Variants in CDX2 observed in about 807,000 individuals in gnomAD.
The protein encoded by CDX2 is caudal type homeobox 2.
A neutral mutation model predicts 25.5 loss-of-function variants in CDX2; 7 were observed. That is an observed-to-expected ratio of 0.27 (90% CI 0.16 to 0.52). CDX2 has a LOEUF of 0.52. CDX2 is among the 20% of genes least tolerant of loss of function. The pLI is 0.97. For synonymous variants in CDX2, 222 were observed against 198.6 expected, an observed-to-expected ratio of 1.12 and a Z score of -0.99; for missense variants, 375 against 431.4, an observed-to-expected ratio of 0.87 and a Z score of 1.16.
rs1026784903 is a variant in CDX2 at position 27,962,905 on chromosome 13, T to C, written c.*210A>G. 4 of 550,752 alleles carry C rather than the reference T, an allele frequency of 7.3e-6. No homozygotes were observed. Among genetic ancestry groups the C allele is most frequent in the Non-Finnish European group, 1.2e-5 (4 of 342,174 alleles). 34.1% of individuals were successfully genotyped at this position (550,752 alleles called of 1,614,324 possible). A position where few individuals can be genotyped will look rare whatever the true frequency, so the allele number is the denominator to read the frequency against. ...CTCCTCAGTGGCAGAAAAAGCCAGA[T>C]GGGAAAAAGTAAAAATCTGGGAGAG... On this transcript the variant is annotated 3_prime_UTR_variant, in exon 3 of 3. Transcript: ENST00000381020.
In CDX2 at chr13:27,962,550, GAA is replaced by G. The variant is rs1869103193; in HGVS notation, c.*563_*564del. 4.3e-6 allele frequency: 1 copy of G among 233,072 alleles called. No homozygotes were observed. Among genetic ancestry groups the G allele is most frequent in the Non-Finnish European group, 8.5e-6 (1 of 117,822 alleles). 14.4% of individuals were successfully genotyped at this position (233,072 alleles called of 1,614,324 possible). A position where few individuals can be genotyped will look rare whatever the true frequency, so the allele number is the denominator to read the frequency against. On this transcript the variant is annotated 3_prime_UTR_variant, in exon 3 of 3. Transcript: ENST00000381020. ...CCTTTCCTGGTCTGGGAAGGGAAGA[GAA>G]AAAAGACGCAGGCCACCTGGGGGTT...
At chr13:27,965,182 T>TGG (rs149567632) in intron 1 of CDX2, among the ~76,000 whole-genome samples, 167 bp from the exon 2 acceptor site, 42 of 151,996 alleles carry the variant, frequency 2.8e-4, no homozygotes, top group African/African-American at 9.9e-4. Context: ...GAGGGTCCTG[T>TGG]GGGGGGAGGG....
Position 27,968,655 on chromosome 13 carries a change from G to A in CDX2, c.352C>T (p.His118Tyr), listed in dbSNP as rs1433460970. The A allele has an allele frequency of 2.0e-6, 3 of 1,534,630 alleles. No homozygotes were observed. Among genetic ancestry groups the A allele is most frequent in the South Asian group, 2.4e-5 (2 of 83,588 alleles). ...SSPADYHPHH[H>Y]PHHHPHHPAA... ...GGGTGGTGCGGGTGGTGATGCGGGT[G>A]GTGGTGCGGATGGTAGTCTGCGGGG... Residue 118 changes from histidine (H) to tyrosine (Y), a missense_variant, in exon 1 of 3, where the codon CAC becomes TAC. His to Tyr is a moderately conservative substitution (Grantham distance 83). This residue lies in a region of CDX2 where 253 missense variants were observed against 247.5 expected (regional missense o/e 1.02). Transcript: ENST00000381020.
Position 27,968,664 on chromosome 13 carries a change from G to T in CDX2, c.343C>A (p.Pro115Thr). Reference protein sequence around the residue: ...MGYSSPADYHPHHHPHHHPHH... With the variant: ...MGYSSPADYHTHHHPHHHPHH... Reference sequence around the variant, plus strand: ...GGGTGGTGATGCGGGTGGTGGTGCGGATGGTAGTCTGCGGGGCTGCTGTAG... The same window carrying T: ...GGGTGGTGATGCGGGTGGTGGTGCGTATGGTAGTCTGCGGGGCTGCTGTAG... Residue 115 changes from proline (P) to threonine (T), a missense_variant, in exon 1 of 3, where the codon CCG (proline) becomes ACG (threonine). Around this residue, in one of 3 missense-constraint regions of CDX2, gnomAD observed 253 missense variants for 247.5 expected, o/e 1.02. Transcript: ENST00000381020. 6.5e-7 allele frequency: 1 copy of T among 1,533,994 alleles called. No individual in the cohort carries two copies. Among genetic ancestry groups the T allele is most frequent in the Non-Finnish European group, 8.7e-7 (1 of 1,144,732 alleles).
Position 27,968,860 on chromosome 13 carries a change from A to G in CDX2, c.147T>C (p.Ala49=). 2 of 1,595,546 alleles carry G rather than the reference A, an allele frequency of 1.3e-6. No individual in the cohort carries two copies. Residue 49 remains alanine, a synonymous_variant, in exon 1 of 3, where the codon GCT becomes GCC. Transcript: ENST00000381020. Reference sequence around the variant, plus strand: ...CGCTGTCCAAGTTCGCTGCCGCTGCAGCTGCGGCCGCCACGTGGTAACCGC... The same window carrying G: ...CGCTGTCCAAGTTCGCTGCCGCTGCGGCTGCGGCCGCCACGTGGTAACCGC... The part of the protein sequence containing the change: ...DYGGYHVAAA[A]AAAANLDSAQ...
rs1284705267 is a variant in CDX2, at chr13:27,964,541, A to G, written c.687+329T>C. ...GGTAAGACAGTGAGACCATCTCTGC[A>G]AAAAATTTAAACATTAGCCAGTCAT... is the stretch of plus-strand genomic sequence containing the variant. On this transcript the variant is annotated intron_variant, in intron 2 of 2. Transcript: ENST00000381020. This position sits in a 1 kb window ranked among gnomAD's most constrained non-coding sequence, Gnocchi z 4.7. Among the ~76,000 whole-genome samples the G allele has an allele frequency of 6.6e-6, 1 of 152,052 alleles. No individual in the cohort carries two copies. The highest frequency in any genetic ancestry group is 1.9e-4 in the East Asian group (1 of 5,170).
At position 27,960,923 on chromosome 13, in the gene CDX2, T is replaced by A. The variant is rs1050286499; in HGVS notation, c.*2192A>T. On this transcript the variant is annotated 3_prime_UTR_variant, in exon 3 of 3. Transcript: ENST00000381020. ...AACAACCCATGTGCTCTTGCTCCAC[T>A]GTCCAAACAGGGTTTATTGACAGGC... Among the ~76,000 whole-genome samples the A allele has an allele frequency of 3.3e-5, 5 of 152,358 alleles. No homozygotes were observed. The highest frequency in any genetic ancestry group is 3.4e-3 in the Middle Eastern group (1 of 294).
At position 27,968,656 on chromosome 13, in the gene CDX2, G is replaced by T. The variant is rs376360900; in HGVS notation, c.351C>A (p.His117Gln). 36 of 1,534,318 alleles carry T rather than the reference G, an allele frequency of 2.3e-5. No homozygotes were observed. The highest frequency in any genetic ancestry group is 3.0e-5 in the Non-Finnish European group (34 of 1,145,042). Reference sequence around the variant, plus strand: ...GGTGGTGCGGGTGGTGATGCGGGTGGTGGTGCGGATGGTAGTCTGCGGGGC... The same window carrying T: ...GGTGGTGCGGGTGGTGATGCGGGTGTTGGTGCGGATGGTAGTCTGCGGGGC... ...YSSPADYHPH[H>Q]HPHHHPHHPA... The change falls in exon 1 of 3, where the codon CAC (histidine) becomes CAA (glutamine). Residue 117 changes from histidine to glutamine, a missense_variant. Physicochemically the swap from His to Gln is conservative, Grantham distance 24 (BLOSUM62 0). Around this residue, in one of 3 missense-constraint regions of CDX2, gnomAD observed 253 missense variants for 247.5 expected, o/e 1.02. Coordinates refer to ENST00000381020, the MANE Select transcript of CDX2 (RefSeq NM_001265.6).
intron 1 of CDX2, among the ~76,000 whole-genome samples, chr13:27,966,098 GC>G (rs1326139278): frequency 2.0e-5 from 3 of 152,234 alleles, no homozygotes; most frequent in Admixed American, 6.5e-5. Flanking sequence ...GCTCCCCCGA[GC>G]CGCTGAAAGG....
chr13:27,965,897 C>T (rs760746835), intron 1 of CDX2, among the ~76,000 whole-genome samples: 2 of 152,230 alleles, frequency 1.3e-5, no homozygotes, highest in Non-Finnish European at 2.9e-5. Context: ...CTCTCTGGCT[C>T]CGTCCCACTT....
rs1387980670 is a variant in CDX2, at chr13:27,968,731, C to T, written c.276G>A (p.Val92=). 2 of 1,518,352 alleles carry T rather than the reference C, an allele frequency of 1.3e-6. No individual in the cohort carries two copies. Among genetic ancestry groups the T allele is most frequent in the Non-Finnish European group, 1.8e-6 (2 of 1,139,152 alleles). The allele number at this position is 1,518,352 out of a possible 1,614,324, so 94.1% of individuals were successfully genotyped here. Residue 92 remains valine, a synonymous_variant, in exon 1 of 3, where the codon GTG becomes GTA. Coordinates refer to ENST00000381020, the MANE Select transcript of CDX2 (RefSeq NM_001265.6). ...GGGAGCCACCGTTGAGGCCGTGAGC[C>T]ACGGCGTTGGCGGCGGCCGCGGCGC... ...PGGAAAAANA[V]AHGLNGGSPA...
chr13:27,963,076 T>C lies in CDX2; in HGVS notation c.*39A>G. The C allele has an allele frequency of 6.3e-7, 1 of 1,582,338 alleles. No homozygotes were observed. The highest frequency in any genetic ancestry group is 8.6e-7 in the Non-Finnish European group (1 of 1,163,132). The stretch of plus-strand genomic sequence containing the variant: ...TAGCAGAGTCCACGCTCCTCATGGC[T>C]CAGCCTGGAATTGCTCTGCCGCTGC... On this transcript the variant is annotated 3_prime_UTR_variant, in exon 3 of 3. Transcript: ENST00000381020.
rs775395145 is a variant in CDX2 at position 27,964,921 on chromosome 13, G to A, written c.636C>T (p.Thr212=). The A allele has an allele frequency of 1.3e-5, 21 of 1,614,030 alleles. No homozygotes were observed. The highest frequency in any genetic ancestry group is 1.6e-4 in the Middle Eastern group (1 of 6,082). ...EKEFHYSRYI[T]IRRKAELAAT... ...CGGCTAGCTCGGCTTTCCTCCGGAT[G>A]GTGATGTAGCGACTGTAGTGAAACT... is the stretch of plus-strand genomic sequence containing the variant. Residue 212 remains threonine, a synonymous_variant, in exon 2 of 3, where the codon ACC becomes ACT. Coordinates refer to ENST00000381020, the MANE Select transcript of CDX2 (RefSeq NM_001265.6). The surrounding 1 kb of genome is among the most constrained non-coding windows in gnomAD (Gnocchi z 4.7).
At position 27,964,938 on chromosome 13, in the gene CDX2, A is replaced by G; in HGVS notation, c.619T>C (p.Tyr207His). 6.2e-7 allele frequency: 1 copy of G among 1,614,138 alleles called. No homozygotes were observed. The highest frequency in any genetic ancestry group is 8.5e-7 in the Non-Finnish European group (1 of 1,180,010). The change falls in exon 2 of 3, where the codon TAC becomes CAC. Residue 207 changes from tyrosine (Y) to histidine (H), a missense_variant. Tyr to His is a moderately conservative substitution (Grantham distance 83). Coordinates refer to ENST00000381020, the MANE Select transcript of CDX2 (RefSeq NM_001265.6). The surrounding 1 kb of genome is among the most constrained non-coding windows in gnomAD (Gnocchi z 4.7). ...QRLELEKEFH[Y>H]SRYITIRRKA... ...CTCCGGATGGTGATGTAGCGACTGT[A>G]GTGAAACTCCTTCTCCAGCTCCAGC...
rs1869035976 is a variant in CDX2, at chr13:27,961,341, A to C, written c.*1774T>G. Among the ~76,000 whole-genome samples the C allele has an allele frequency of 6.6e-6, 1 of 152,224 alleles. No individual in the cohort carries two copies. ...AGGCGCCTCCGTGGGCGCGCTGATT[A>C]GGCTCTCGGATGTTGGTGGGAAGAT... On this transcript the variant is annotated 3_prime_UTR_variant, in exon 3 of 3. Transcript: ENST00000381020.
Position 27,961,605 on chromosome 13 carries a change from T to C in CDX2, c.*1510A>G, listed in dbSNP as rs1869051672. Among the ~76,000 whole-genome samples the C allele has an allele frequency of 4.0e-5, 6 of 151,142 alleles. No individual in the cohort carries two copies. Among genetic ancestry groups the C allele is most frequent in the Admixed American group, 3.3e-4 (5 of 15,156 alleles). ...GAAACTGCAAAGACAGAGAAGAGAG[T>C]GGAGGCAGAAAGGGCTCACGGAAAT... On this transcript the variant is annotated 3_prime_UTR_variant, in exon 3 of 3. Coordinates refer to ENST00000381020, the MANE Select transcript of CDX2 (RefSeq NM_001265.6).
In CDX2 at chr13:27,968,565, C is replaced by G. The variant is rs1223507326; in HGVS notation, c.442G>C (p.Ala148Pro). The G allele has an allele frequency of 1.3e-6, 2 of 1,566,376 alleles. No homozygotes were observed. Among genetic ancestry groups the G allele is most frequent in the Non-Finnish European group, 8.6e-7 (1 of 1,166,372 alleles). The change falls in exon 1 of 3, where the codon GCC becomes CCC. Residue 148 changes from alanine to proline, a missense_variant. By Grantham distance (27) the Ala-to-Pro change is conservative. This residue lies in a region of CDX2 where 253 missense variants were observed against 247.5 expected (regional missense o/e 1.02). Coordinates refer to ENST00000381020, the MANE Select transcript of CDX2 (RefSeq NM_001265.6). ...AGCTGCTCGGCGGCAGCGGTGGCGG[C>G]GGGCCCAGGAGGGCCGGGGTTGAGC... ...QTLNPGPPGP[A>P]ATAAAEQLSP...
chr13:27,968,738 T>C lies in CDX2; in HGVS notation c.269A>G (p.Asn90Ser). 2.0e-6 allele frequency: 3 copies of C among 1,510,808 alleles called. No homozygotes were observed. The highest frequency in any genetic ancestry group is 2.6e-6 in the Non-Finnish European group (3 of 1,136,588). 93.6% of individuals were successfully genotyped at this position (1,510,808 alleles called of 1,614,324 possible). A position where few individuals can be genotyped will look rare whatever the true frequency, so the allele number is the denominator to read the frequency against. The change falls in exon 1 of 3, where the codon AAC becomes AGC. Residue 90 changes from asparagine to serine, a missense_variant. This residue lies in a region of CDX2 where 253 missense variants were observed against 247.5 expected (regional missense o/e 1.02). Transcript: ENST00000381020. ...YAPGGAAAAA[N>S]AVAHGLNGGS... is the part of the protein sequence containing the mutation. ...ACCGTTGAGGCCGTGAGCCACGGCG[T>C]TGGCGGCGGCCGCGGCGCCTCCGGG...
Position 27,964,857 on chromosome 13 carries a change from A to G in CDX2, c.687+13T>C. ...GGCAGTGGCCCGCCCGGAGGGAGCTAGGCGGTCCCCACCTGCCTCTCAGAG... is the reference window on the plus strand; with the variant it reads ...GGCAGTGGCCCGCCCGGAGGGAGCTGGGCGGTCCCCACCTGCCTCTCAGAG... On this transcript the variant is annotated intron_variant, in intron 2 of 2. Coordinates refer to ENST00000381020, the MANE Select transcript of CDX2 (RefSeq NM_001265.6). The surrounding 1 kb of genome is among the most constrained non-coding windows in gnomAD (Gnocchi z 4.7). The G allele has an allele frequency of 6.2e-7, 1 of 1,613,268 alleles. No homozygotes were observed.
Sources: allele counts gnomAD v4.1 joint callset (sites outside exome capture counted in the v4.1 genomes callset), GRCh38; gene constraint gnomAD v4.1.1; regional missense constraint gnomAD v4.1.1; non-coding constraint Gnocchi (gnomAD v3.1); transcripts MANE v1.5; gene names NCBI Gene and HGNC (gene_info 2026-07-23, HGNC 2026-07-21).